ANO1: variants seen among roughly 807,000 people sequenced by gnomAD.
ANO1 encodes anoctamin 1, also known as anoctamin-1.
Under a neutral mutation model 124.0 loss-of-function variants are expected in ANO1, and 59 were observed. The ratio of observed to expected loss-of-function variants is 0.48; its 90% CI spans 0.39 to 0.59. ANO1 has a LOEUF of 0.59. ANO1 is among the 20% of genes least tolerant of loss of function. The pLI, the probability that ANO1 is intolerant of heterozygous loss-of-function variation, is 0.00. For missense variants in ANO1, 1,059 were observed against 1,328.0 expected (o/e 0.80, Z 3.15); for synonymous variants, 529 against 532.0 (o/e 0.99, Z 0.08).
rs114536292 is a variant in ANO1, at chr11:70,108,334, C to G, written c.748-19C>G. ...GTGCCTTAAGTAACTGCTCACCCCC[C>G]TTCTTGTCTCTGCAATAGGTCTATG... On this transcript the variant is annotated intron_variant, in intron 5 of 25. Coordinates refer to ENST00000355303, the MANE Select transcript of ANO1 (RefSeq NM_018043.7). 5 of 1,605,820 alleles carry G rather than the reference C, an allele frequency of 3.1e-6. No homozygotes were observed. Among genetic ancestry groups the G allele is most frequent in the African/African-American group, 2.7e-5 (2 of 74,814 alleles).
Position 70,188,481 on chromosome 11 carries a change from T to G in ANO1, c.*477T>G. 1 of 155,596 alleles carries G rather than the reference T, an allele frequency of 6.4e-6. No individual in the cohort carries two copies. The highest frequency in any genetic ancestry group is 1.4e-5 in the Non-Finnish European group (1 of 70,264). 9.6% of individuals were successfully genotyped at this position (155,596 alleles called of 1,614,324 possible). On this transcript the variant is annotated 3_prime_UTR_variant, in exon 26 of 26. Transcript: ENST00000355303. ...ACGCAAGAATAATGATTGATTCCGG[T>G]TCCAAAAGGTGTCACCTACCTGTTT... is the stretch of plus-strand genomic sequence containing the variant.
At chr11:70,174,595 C>T (rs906280416) in intron 22 of ANO1, among the ~76,000 whole-genome samples, 1 of 152,104 alleles carries the variant, frequency 6.6e-6, no homozygotes, top group African/African-American at 2.4e-5. Flanking sequence ...TCCTCAGAAC[C>T]TCAGCCTGTT....
At chr11:70,093,580 A>G (rs2044723515) in intron 2 of ANO1, among the ~76,000 whole-genome samples, 1 of 152,184 alleles carries the variant, frequency 6.6e-6, no homozygotes, top group African/African-American at 2.4e-5. Context: ...AACCTGACCC[A>G]GGCTTTGGTA....
intron 7 of ANO1, among the ~76,000 whole-genome samples, chr11:70,116,208 G>A (rs2135429647): frequency 6.6e-6 from 1 of 152,298 alleles, no homozygotes; most frequent in African/African-American, 2.4e-5. Context: ...CTGTGTCGAG[G>A]GAAGAGGCGG....
chr11:70,152,412 C>A, intron 12 of ANO1, 38 bp from the exon 13 acceptor site: 1 of 1,565,308 alleles, frequency 6.4e-7, no homozygotes. Flanking sequence ...GTAATGACAT[C>A]TTTGTGTTTT....
the ANO1 span, among the ~76,000 whole-genome samples, chr11:69,970,306 CCCAG>C: frequency 6.6e-5 from 10 of 152,286 alleles, no homozygotes; most frequent in African/African-American, 2.4e-4. Flanking sequence ...CGGTCCCAGC[CCCAG>C]CCTTGGCCTC....
chr11:70,117,900 C>T (rs1003573873), intron 8 of ANO1, among the ~76,000 whole-genome samples: 3 of 152,214 alleles, frequency 2.0e-5, no homozygotes, highest in African/African-American at 2.4e-5. Flanking sequence ...TGCTATCTAA[C>T]TTAGCACAAA....
At chr11:70,107,532 A>C (rs1590750342) in intron 5 of ANO1, among the ~76,000 whole-genome samples, 1 of 127,338 alleles carries the variant, frequency 7.9e-6, no homozygotes, top group African/African-American at 2.8e-5. Context: ...GCCAGGGGGA[A>C]CTGGAAGGAC....
intron 1 of ANO1, among the ~76,000 whole-genome samples, chr11:69,986,322 C>G (rs1317191766): frequency 2.0e-5 from 3 of 152,098 alleles, no homozygotes; most frequent in Admixed American, 6.5e-5. Flanking sequence ...AGTCCTCCCC[C>G]CTCCGCGCTG....
At chr11:69,993,903 T>C (rs900830568) in intron 1 of ANO1, among the ~76,000 whole-genome samples, 1 of 152,150 alleles carries the variant, frequency 6.6e-6, no homozygotes, top group Non-Finnish European at 1.5e-5. Flanking sequence ...CCTGGGCACA[T>C]ATAGCCCCTC....
chr11:70,178,510 G>C (rs2048815419), intron 22 of ANO1, among the ~76,000 whole-genome samples: 1 of 152,086 alleles, frequency 6.6e-6, no homozygotes, highest in African/African-American at 2.4e-5. Flanking sequence ...GGTCAGGGAA[G>C]TGTGACTGTC....
chr11:70,039,297 G>A (rs1277587264), intron 1 of ANO1, among the ~76,000 whole-genome samples: 2 of 152,166 alleles, frequency 1.3e-5, no homozygotes, highest in African/African-American at 4.8e-5. Context: ...AAGTACTGTT[G>A]CTTTCTTTGG....
At chr11:70,100,663 T>C (rs1415048111) in intron 2 of ANO1, among the ~76,000 whole-genome samples, 4 of 152,182 alleles carry the variant, frequency 2.6e-5, no homozygotes. Context: ...ATGGCCAGCA[T>C]GGCACACGCC....
chr11:70,045,974 G>A (rs1212181553), intron 1 of ANO1, among the ~76,000 whole-genome samples: 1 of 152,174 alleles, frequency 6.6e-6, no homozygotes, highest in African/African-American at 2.4e-5. Context: ...TTAGACGACT[G>A]TTCAAAAACC....
intron 1 of ANO1, among the ~76,000 whole-genome samples, chr11:70,059,328 G>A (rs1208496720): frequency 2.8e-5 from 4 of 142,294 alleles, no homozygotes; most frequent in Non-Finnish European, 4.5e-5. Flanking sequence ...TCTAGCCTGG[G>A]CGACAGAGCG....
chr11:70,148,655 C>G (rs2047471143), intron 11 of ANO1, among the ~76,000 whole-genome samples: 1 of 152,214 alleles, frequency 6.6e-6, no homozygotes, highest in South Asian at 2.1e-4. Context: ...TGATTTTCTT[C>G]TGCAGGGAGA....
intron 12 of ANO1, 40 bp downstream of exon 12, chr11:70,149,832 C>T (rs181362620): frequency 6.3e-6 from 10 of 1,599,160 alleles, no homozygotes; most frequent in Admixed American, 3.4e-5. Flanking sequence ...GCCCTTCCCC[C>T]ACGTTCCCCC....
intron 11 of ANO1, among the ~76,000 whole-genome samples, chr11:70,138,217 C>T (rs561814995): frequency 1.4e-5 from 2 of 146,546 alleles, no homozygotes; most frequent in South Asian, 2.4e-4. Flanking sequence ...TAGTGGCACG[C>T]GCCTGTAGTC....
chr11:70,099,372 C>CGGGGGTGCAG (rs962495344), intron 2 of ANO1, among the ~76,000 whole-genome samples: 1 of 152,142 alleles, frequency 6.6e-6, no homozygotes, highest in Non-Finnish European at 1.5e-5. Flanking sequence ...CTCATGTAAA[C>CGGGGGTGCAG]GGGGGTGCAT....
Sources: allele counts gnomAD v4.1 joint callset (sites outside exome capture counted in the v4.1 genomes callset), GRCh38; gene constraint gnomAD v4.1.1; transcripts MANE v1.5; gene names NCBI Gene and HGNC (gene_info 2026-07-23, HGNC 2026-07-21).